RPS6KA3: variants seen among roughly 807,000 people sequenced by gnomAD.
RPS6KA3 encodes ribosomal protein S6 kinase alpha-3.
Under a neutral mutation model 67.2 loss-of-function variants are expected in RPS6KA3, and 4 were observed. The observed-to-expected ratio is 0.06, with a 90% confidence interval of 0.03 to 0.14. The LOEUF is 0.14. Among genes scored for constraint, RPS6KA3 ranks in the 10% least tolerant of loss-of-function variants. RPS6KA3 has a pLI of 1.00. For synonymous variants in RPS6KA3, 182 were observed against 183.7 expected (o/e 0.99, Z 0.07); for missense variants, 204 against 559.0 (o/e 0.36, Z 6.40).
At chrX:20,179,960 G>A (rs1228787447) in intron 10 of RPS6KA3, among the ~76,000 whole-genome samples, 1 of 110,266 alleles carries the variant, frequency 9.1e-6, no homozygotes, top group Non-Finnish European at 1.9e-5. Flanking sequence ...GCATGGTGGT[G>A]CACCTGTAGT....
At chrX:20,165,093 A>T in intron 17 of RPS6KA3, 33 bp from the exon 18 acceptor site, 1 of 1,080,485 alleles carries the variant, frequency 9.3e-7, no homozygotes, top group African/African-American at 1.8e-5. Flanking sequence ...AGTTATGTTA[A>T]CAATATATTT....
intron 2 of RPS6KA3, among the ~76,000 whole-genome samples, chrX:20,231,646 G>T (rs1038323050): frequency 8.9e-6 from 1 of 111,926 alleles, no homozygotes; most frequent in Non-Finnish European, 1.9e-5. Context: ...AGTAATCCCC[G>T]GTAACGGTGA....
intron 2 of RPS6KA3, among the ~76,000 whole-genome samples, chrX:20,213,075 C>T (rs2068758845): frequency 8.9e-6 from 1 of 112,050 alleles, no homozygotes; most frequent in Non-Finnish European, 1.9e-5. Context: ...CCTTGGCATT[C>T]GAGGTCCTCT....
At chrX:20,193,640 T>C in intron 6 of RPS6KA3, 47 bp from the exon 7 acceptor site, 2 of 852,404 alleles carry the variant, frequency 2.3e-6, no homozygotes, top group Non-Finnish European at 1.7e-6. Flanking sequence ...TTTTTGTGTC[T>C]GTAATTTTTA....
rs113477138 is a variant in RPS6KA3 at position 20,188,218 on chromosome X, C to T, written c.632-248G>A. On this transcript the variant is annotated intron_variant, in intron 8 of 21. Transcript: ENST00000379565. ...CCTCCCAAGTAACTGGGATTACAGG[C>T]GTGCACCACCATGCCCAGCTCATTT... Among the ~76,000 whole-genome samples the T allele has an allele frequency of 0.012, 1,371 of 110,535 alleles. 26 individuals carry two copies. Among genetic ancestry groups the T allele is most frequent in the African/African-American group, 0.042 (1,282 of 30,388 alleles).
At chrX:20,260,158 G>T (rs2070185705) in intron 1 of RPS6KA3, among the ~76,000 whole-genome samples, 1 of 111,756 alleles carries the variant, frequency 8.9e-6, no homozygotes, top group Admixed American at 9.5e-5. Context: ...CACATTTTGT[G>T]TTGGTATGTT....
chrX:20,184,572 A>AT (rs1314648654), intron 10 of RPS6KA3, among the ~76,000 whole-genome samples: 1 of 106,583 alleles, frequency 9.4e-6, no homozygotes, highest in Non-Finnish European at 1.9e-5. Flanking sequence ...CATCTGGCTA[A>AT]TTTTTTTATC....
At chrX:20,163,212 T>C (rs2067348074) in intron 18 of RPS6KA3, among the ~76,000 whole-genome samples, 172 bp from the exon 19 acceptor site, 1 of 112,149 alleles carries the variant, frequency 8.9e-6, no homozygotes, top group Non-Finnish European at 1.9e-5. Flanking sequence ...CTACTACTAA[T>C]AATTCATAAA....
intron 2 of RPS6KA3, among the ~76,000 whole-genome samples, chrX:20,210,647 G>T (rs1458036323): frequency 1.8e-5 from 2 of 111,706 alleles, no homozygotes. Flanking sequence ...TTATTTTGAA[G>T]ACAGAGGCTG....
At chrX:20,183,142 GAT>G (rs1415234934) in intron 10 of RPS6KA3, among the ~76,000 whole-genome samples, 1 of 111,300 alleles carries the variant, frequency 9.0e-6, no homozygotes, top group East Asian at 2.8e-4. Context: ...TGGGGTTCTA[GAT>G]AGATTGGTAA....
At chrX:20,185,296 T>A (rs1294513373) in intron 10 of RPS6KA3, among the ~76,000 whole-genome samples, 2 of 112,068 alleles carry the variant, frequency 1.8e-5, no homozygotes, top group African/African-American at 6.5e-5. Flanking sequence ...TAGATTTTTG[T>A]TTATTGACCT....
At chrX:20,234,580 T>C (rs1396103966) in intron 2 of RPS6KA3, among the ~76,000 whole-genome samples, 178 bp downstream of exon 2, 1 of 112,084 alleles carries the variant, frequency 8.9e-6, no homozygotes, top group East Asian at 2.8e-4. Context: ...ATCACTCTTA[T>C]CAAACAGTTT....
intron 1 of RPS6KA3, among the ~76,000 whole-genome samples, chrX:20,255,584 C>T (rs992015418): frequency 4.6e-5 from 5 of 109,593 alleles, no homozygotes; most frequent in East Asian, 2.8e-4. Flanking sequence ...GCCAGAAGTT[C>T]GAGACCAACC....
rs781780107 is a variant in RPS6KA3, at chrX:20,183,196, T to G, written c.845+3100A>C. On this transcript the variant is annotated intron_variant, in intron 10 of 21. Transcript: ENST00000379565. ...TGGAAGGTAGGAATTTTAAAAAAAA[T>G]TTTTAATTCTTTTAAAGCAAATTTT... Among the ~76,000 whole-genome samples the G allele has an allele frequency of 3.5e-4, 39 of 110,730 alleles. 1 individual carries two copies. Among genetic ancestry groups the G allele is most frequent in the Non-Finnish European group, 4.9e-4 (26 of 52,929 alleles).
intron 10 of RPS6KA3, among the ~76,000 whole-genome samples, chrX:20,184,430 G>A (rs1185434188): frequency 1.1e-4 from 11 of 95,655 alleles, no homozygotes; most frequent in African/African-American, 3.1e-4. Flanking sequence ...ACAGGGTCTC[G>A]CTCTTCACTC....
At chrX:20,186,211 G>C (rs1278626351) in intron 10 of RPS6KA3, 85 bp downstream of exon 10, 1 of 659,835 alleles carries the variant, frequency 1.5e-6, no homozygotes, top group Admixed American at 2.3e-5. Context: ...CAAAGTGCTG[G>C]GATTACAGGC....
intron 2 of RPS6KA3, among the ~76,000 whole-genome samples, chrX:20,228,364 A>C (rs943108468): frequency 1.8e-5 from 2 of 111,775 alleles, no homozygotes; most frequent in Admixed American, 9.5e-5. Flanking sequence ...CTCCCAAAGG[A>C]CAGTATCTGA....
chrX:20,224,818 G>T (rs1312529984), intron 2 of RPS6KA3, among the ~76,000 whole-genome samples: 2 of 111,159 alleles, frequency 1.8e-5, no homozygotes, highest in African/African-American at 3.3e-5. Context: ...AGAATCTCCC[G>T]TCGGCATGAA....
chrX:20,218,061 T>G, intron 2 of RPS6KA3, among the ~76,000 whole-genome samples: 1 of 112,165 alleles, frequency 8.9e-6, no homozygotes, highest in East Asian at 2.8e-4. Flanking sequence ...GATTAACATT[T>G]CTAATCACCG....
Sources: allele counts gnomAD v4.1 joint callset (sites outside exome capture counted in the v4.1 genomes callset), GRCh38; gene constraint gnomAD v4.1.1; transcripts MANE v1.5; gene names NCBI Gene and HGNC (gene_info 2026-07-23, HGNC 2026-07-21).